MAPRE2: variants seen among roughly 807,000 people sequenced by gnomAD.
MAPRE2 encodes the protein microtubule associated protein RP/EB family member 2.
MAPRE2 carries 13 observed loss-of-function variants against 43.2 expected under a neutral mutation model. The observed-to-expected ratio is 0.30, with a 90% CI of 0.20 to 0.48. The LOEUF (loss-of-function observed/expected upper bound fraction) is 0.48. Ranked by LOEUF, MAPRE2 falls within the 20% of genes least tolerant of loss-of-function variation. MAPRE2 has a pLI of 0.99. For synonymous variants in MAPRE2, 135 were observed against 148.8 expected, an observed-to-expected ratio of 0.91 and a Z score of 0.68; for missense variants, 161 against 400.2, an observed-to-expected ratio of 0.40 and a Z score of 5.10.
intron 4 of MAPRE2, among the ~76,000 whole-genome samples, chr18:35,119,986 G>T (rs149294377): frequency 6.6e-6 from 1 of 152,292 alleles, no homozygotes; most frequent in Non-Finnish European, 1.5e-5. Flanking sequence ...AGACCCTTGT[G>T]TAAGCATTTT....
intron 3 of MAPRE2, among the ~76,000 whole-genome samples, chr18:35,101,147 G>A (rs1414646646): frequency 1.3e-5 from 2 of 152,204 alleles, no homozygotes; most frequent in Non-Finnish European, 2.9e-5. Context: ...ACTATGAGTG[G>A]GACCAGCCCC....
chr18:35,012,216 TAA>T (rs1195651478), intron 2 of MAPRE2, among the ~76,000 whole-genome samples: 1 of 152,064 alleles, frequency 6.6e-6, no homozygotes, highest in African/African-American at 2.4e-5. Context: ...CCTGTGACGT[TAA>T]AAAAGATATA....
rs115761738 is a variant in MAPRE2, at chr18:35,081,213, T to C, written c.250+10891T>C. ...AAATCTTTTCCTGCTTCTTTTTTTT[T>C]CCAAAAATTATTCCATTCTTTTATT... is the stretch of plus-strand genomic sequence containing the variant. On this transcript the variant is annotated intron_variant, in intron 2 of 6. Transcript: ENST00000300249. Among the ~76,000 whole-genome samples the C allele has an allele frequency of 7.4e-3, 1,131 of 152,298 alleles. 15 individuals are homozygous for C. Among genetic ancestry groups the C allele is most frequent in the African/African-American group, 0.025 (1,044 of 41,564 alleles).
intron 1 of MAPRE2, among the ~76,000 whole-genome samples, chr18:35,055,553 GTGTGTGTGTGTA>G: frequency 6.7e-6 from 1 of 149,002 alleles, no homozygotes; most frequent in Non-Finnish European, 1.5e-5. Flanking sequence ...GTGTGTGTGT[GTGTGTGTGTGTA>G]TGTGTGTGTG....
chr18:35,014,834 T>C (rs370126639), intron 2 of MAPRE2, among the ~76,000 whole-genome samples: 2 of 151,464 alleles, frequency 1.3e-5, no homozygotes, highest in African/African-American at 4.9e-5. Flanking sequence ...CATATACAAA[T>C]ACATCTACAC....
chr18:35,105,436 A>T lies in MAPRE2; in HGVS notation c.610+3277A>T, dbSNP rs139474237. The stretch of plus-strand genomic sequence containing the variant: ...TAAAACTATACTGGGGGTATATCAC[A>T]TATAGAGTGTTATTATTAAAAGCCA... On this transcript the variant is annotated intron_variant, in intron 4 of 6. Transcript: ENST00000300249. Among the ~76,000 whole-genome samples the T allele has an allele frequency of 3.0e-3, 449 of 152,162 alleles. 6 individuals carry two copies. The highest frequency in any genetic ancestry group is 0.024 in the East Asian group (125 of 5,186).
At chr18:35,099,727 C>T (rs989403725) in intron 3 of MAPRE2, among the ~76,000 whole-genome samples, 1 of 152,182 alleles carries the variant, frequency 6.6e-6, no homozygotes, top group Non-Finnish European at 1.5e-5. Context: ...AGCAACATAT[C>T]ACCACCAAAG....
chr18:35,042,624 T>C (rs990701736), intron 1 of MAPRE2, among the ~76,000 whole-genome samples: 1 of 152,228 alleles, frequency 6.6e-6, no homozygotes, highest in Admixed American at 6.5e-5. Context: ...GACTGATAGC[T>C]TCGGTCATAT....
intron 1 of MAPRE2, among the ~76,000 whole-genome samples, chr18:35,061,186 A>G (rs1299925450): frequency 6.6e-6 from 1 of 152,222 alleles, no homozygotes; most frequent in Non-Finnish European, 1.5e-5. Flanking sequence ...TCATATTGGA[A>G]TGATAGGCAG....
At chr18:35,011,149 G>A (rs2097034397) in intron 2 of MAPRE2, among the ~76,000 whole-genome samples, 1 of 152,134 alleles carries the variant, frequency 6.6e-6, no homozygotes, top group Admixed American at 6.6e-5. Context: ...CCATTCCAGA[G>A]TGCTGAGTGC....
At chr18:35,060,782 C>G (rs1050257975) in intron 1 of MAPRE2, among the ~76,000 whole-genome samples, 6 of 152,120 alleles carry the variant, frequency 3.9e-5, no homozygotes, top group African/African-American at 1.4e-4. Flanking sequence ...AAGGAGCTGC[C>G]TAATGAATAG....
intron 2 of MAPRE2, among the ~76,000 whole-genome samples, chr18:35,027,953 T>C (rs1603391513): frequency 6.6e-6 from 1 of 152,326 alleles, no homozygotes; most frequent in Non-Finnish European, 1.5e-5. Flanking sequence ...TGGGCCTCTC[T>C]ACATGGTTGG....
chr18:34,985,285 A>ATTT (rs2097019245), intron 1 of MAPRE2, among the ~76,000 whole-genome samples: 1 of 46,840 alleles, frequency 2.1e-5, no homozygotes, highest in Non-Finnish European at 3.5e-5. Flanking sequence ...ATAATATATT[A>ATTT]TATATTATAT....
chr18:35,105,206 T>A (rs1908849680), intron 4 of MAPRE2, among the ~76,000 whole-genome samples: 1 of 152,110 alleles, frequency 6.6e-6, no homozygotes, highest in African/African-American at 2.4e-5. Context: ...TGGGTGACAA[T>A]GCTCAGGAAA....
At chr18:35,106,911 G>A (rs537613476) in intron 4 of MAPRE2, among the ~76,000 whole-genome samples, 2 of 152,244 alleles carry the variant, frequency 1.3e-5, no homozygotes, top group Admixed American at 6.5e-5. Context: ...GAATCATGAT[G>A]TTTGTAAATT....
chr18:35,101,167 C>T (rs1908659973), intron 3 of MAPRE2, among the ~76,000 whole-genome samples: 1 of 152,236 alleles, frequency 6.6e-6, no homozygotes, highest in Non-Finnish European at 1.5e-5. Flanking sequence ...CTCTTGACAA[C>T]TAAGGATATT....
At chr18:35,038,992 A>G (rs376467077), upstream of MAPRE2, among the ~76,000 whole-genome samples, 1 of 152,170 alleles carries the variant, frequency 6.6e-6, no homozygotes, top group African/African-American at 2.4e-5. Context: ...CCCTTCCTTC[A>G]TGAGCAGACT....
Position 34,985,319 on chromosome 18 carries a change from T to TATATACA in MAPRE2, c.-70+8245_-70+8246insCAATATA, listed in dbSNP as rs2097019439. ...ATTATATATTGTATATATTATATTATATATATAATATAATATATAATATAT... is the reference window on the plus strand; with the variant it reads ...ATTATATATTGTATATATTATATTATATATACAATATATAATATAATATATAATATAT... On this transcript the variant is annotated intron_variant, in intron 1 of 7. Coordinates refer to the MAPRE2 transcript ENST00000413393. Among the ~76,000 whole-genome samples, 4 of 43,886 alleles carry TATATACA rather than the reference T, an allele frequency of 9.1e-5. 1 individual carries two copies. Among genetic ancestry groups the TATATACA allele is most frequent in the African/African-American group, 3.9e-4 (4 of 10,304 alleles). 28.8% of individuals were successfully genotyped at this position (43,886 alleles called of 152,430 possible).
intron 2 of MAPRE2, among the ~76,000 whole-genome samples, chr18:35,086,672 A>G (rs149035321): frequency 2.6e-5 from 4 of 152,154 alleles, no homozygotes; most frequent in Non-Finnish European, 5.9e-5. Context: ...GAAAAAAGGA[A>G]TGTTTTTCTT....
Sources: gnomAD v4.1 joint callset for allele counts (sites outside exome capture counted in the v4.1 genomes callset) on GRCh38, gnomAD v4.1.1 for gene constraint, MANE v1.5 for transcripts, NCBI Gene and HGNC (gene_info 2026-07-23, HGNC 2026-07-21) for gene names.